CRLS1: variants seen among roughly 807,000 people sequenced by gnomAD.
CRLS1 encodes the protein cardiolipin synthase 1.
In CRLS1, 24 loss-of-function variants were observed where a neutral mutation model predicts 37.0. The ratio of observed to expected loss-of-function variants is 0.65; its 90% CI spans 0.47 to 0.91. CRLS1 has a LOEUF of 0.91. Ranked by LOEUF, CRLS1 falls within the 40% of genes least tolerant of loss-of-function variation. CRLS1 has a pLI of 0.00. For missense variants in CRLS1, 373 were observed against 395.8 expected (o/e 0.94, Z 0.49); for synonymous variants, 135 against 159.7 (o/e 0.85, Z 1.17).
At chr20:6,030,231 C>A (rs1260663277) in intron 3 of CRLS1, among the ~76,000 whole-genome samples, 1 of 151,836 alleles carries the variant, frequency 6.6e-6, no homozygotes, top group African/African-American at 2.4e-5. Flanking sequence ...GAAGCAAGTT[C>A]TCTGCCATCT....
intron 3 of CRLS1, among the ~76,000 whole-genome samples, chr20:6,027,669 C>A (rs1979827089): frequency 6.6e-6 from 1 of 152,202 alleles, no homozygotes; most frequent in Admixed American, 6.5e-5. Context: ...CCTGCCTCAG[C>A]CTCCCAAAGT....
At chr20:6,007,157 G>A in intron 1 of CRLS1, 2 of 1,182,078 alleles carry the variant, frequency 1.7e-6, no homozygotes, top group Non-Finnish European at 2.3e-6. Flanking sequence ...CCGAGCATGA[G>A]TGTGGGAGAG....
rs564544508 is a variant in CRLS1 at position 6,019,936 on chromosome 20, C to T, written c.574+4446C>T. Among the ~76,000 whole-genome samples, 9 of 152,112 alleles carry T rather than the reference C, an allele frequency of 5.9e-5. No homozygotes were observed. The South Asian group carries it at 1.5e-3, about 25-fold the overall frequency. ...GTGATCCTGACCTTAGGTGCCTCTA[C>T]CTCTCAAAGTGCTGGGATTACAGGT... On this transcript the variant is annotated intron_variant, in intron 3 of 6. Coordinates refer to ENST00000378863, the MANE Select transcript of CRLS1 (RefSeq NM_019095.6).
rs543482671 is a variant in CRLS1 at position 6,009,356 on chromosome 20, T to G, written c.307-419T>G. ...AAAAAAAAAAAGAGAAAAGGAAACC[T>G]ATAATATGTAAGACACCTTACCCTG... On this transcript the variant is annotated intron_variant, in intron 1 of 6. Transcript: ENST00000378863. 4.6e-5 allele frequency among the ~76,000 whole-genome samples: 7 copies of G among 151,928 alleles called. No individual in the cohort carries two copies. In the South Asian group the frequency reaches 1.5e-3, roughly 32 times the overall value.
chr20:6,006,453 T>C lies in CRLS1; in HGVS notation c.207T>C (p.Cys69=), dbSNP rs1211977532. The C allele has an allele frequency of 1.4e-6, 2 of 1,405,890 alleles. No individual in the cohort carries two copies. The highest frequency in any genetic ancestry group is 2.8e-5 in the Admixed American group (1 of 35,520). 87.1% of individuals were successfully genotyped at this position (1,405,890 alleles called of 1,614,324 possible). The part of the protein sequence containing the change: ...RLPGIGQRNH[C]SGAGKAAPRP... ...CCGGGATCGGCCAGCGGAACCACTG[T>C]TCGGGCGCGGGGAAGGCGGCTCCCA... is the stretch of plus-strand genomic sequence containing the variant. The change falls in exon 1 of 7, where the codon TGT becomes TGC. Residue 69 remains cysteine (C), a synonymous_variant. Transcript: ENST00000378863.
chr20:6,009,322 CAAAA>C (rs60724010), intron 1 of CRLS1, among the ~76,000 whole-genome samples: 10 of 137,940 alleles, frequency 7.2e-5, no homozygotes, highest in Non-Finnish European at 1.4e-4. Context: ...GACTCCATCT[CAAAA>C]AAAAAAAAAA....
chr20:6,010,161 T>A (rs1362297252), intron 2 of CRLS1, among the ~76,000 whole-genome samples: 2 of 151,896 alleles, frequency 1.3e-5, no homozygotes, highest in Non-Finnish European at 2.9e-5. Context: ...GTACTCTTGG[T>A]TTTTAAGAGT....
At chr20:6,025,547 G>A (rs1194499191) in intron 3 of CRLS1, among the ~76,000 whole-genome samples, 1 of 152,162 alleles carries the variant, frequency 6.6e-6, no homozygotes, top group African/African-American at 2.4e-5. Context: ...TTCAGTCCTT[G>A]TCATTTTGAC....
chr20:6,006,160 G>C lies in CRLS1; in HGVS notation c.-87G>C, dbSNP rs528808592. On this transcript the variant is annotated 5_prime_UTR_variant, in exon 1 of 7. Transcript: ENST00000378863. ...GCGGTAGCCCAGTGTCTGAGTGGTTGCCGGGTCTCCATGGAGAAGCGGCTC... is the reference window on the plus strand; with the variant it reads ...GCGGTAGCCCAGTGTCTGAGTGGTTCCCGGGTCTCCATGGAGAAGCGGCTC... 2 of 700,138 alleles carry C rather than the reference G, an allele frequency of 2.9e-6. No homozygotes were observed. The highest frequency in any genetic ancestry group is 1.9e-5 in the African/African-American group (1 of 53,770). The allele number at this position is 700,138 out of a possible 1,614,324, so 43.4% of individuals were successfully genotyped here. A position where few individuals can be genotyped will look rare whatever the true frequency, so the allele number is the denominator to read the frequency against.
At chr20:6,020,127 G>T (rs1390289522) in intron 3 of CRLS1, among the ~76,000 whole-genome samples, 1 of 152,162 alleles carries the variant, frequency 6.6e-6, no homozygotes, top group African/African-American at 2.4e-5. Context: ...ATTTTAACAT[G>T]TAATCAATAA....
At chr20:6,036,874 C>T (rs367770935) in intron 6 of CRLS1, among the ~76,000 whole-genome samples, 200 bp from the exon 7 acceptor site, 21 of 152,180 alleles carry the variant, frequency 1.4e-4, no homozygotes, top group South Asian at 6.2e-4. Flanking sequence ...TTTTGTTTGA[C>T]GTTACTAATT....
chr20:6,009,248 G>A (rs764485994), intron 1 of CRLS1, among the ~76,000 whole-genome samples: 3 of 151,834 alleles, frequency 2.0e-5, no homozygotes, highest in Non-Finnish European at 4.4e-5. Context: ...ACTTGAACCC[G>A]GGAGGTGGAG....
At chr20:6,010,853 C>T (rs1198010776) in intron 2 of CRLS1, among the ~76,000 whole-genome samples, 1 of 152,040 alleles carries the variant, frequency 6.6e-6, no homozygotes, top group East Asian at 1.9e-4. Context: ...CCTATCTCTA[C>T]AAAAAATTTA....
intron 6 of CRLS1, 107 bp from the exon 7 acceptor site, chr20:6,036,967 A>T: frequency 1.3e-6 from 1 of 775,392 alleles, no homozygotes; most frequent in African/African-American, 1.7e-5. Context: ...TTTACTTTTT[A>T]AATTCATTTT....
chr20:6,034,935 G>C (rs1980438616), intron 6 of CRLS1, among the ~76,000 whole-genome samples: 2 of 152,190 alleles, frequency 1.3e-5, no homozygotes, highest in Non-Finnish European at 2.9e-5. Flanking sequence ...TAGAGTGTAG[G>C]AGAGAGGGTA....
chr20:6,037,805 A>T lies in CRLS1; in HGVS notation c.*647A>T, dbSNP rs1386693275. ...CTAATAATTTATGTTTGAGGATAAC[A>T]GGTAACAAAGATAGTCGAGATAGGA... On this transcript the variant is annotated 3_prime_UTR_variant, in exon 7 of 7. Coordinates refer to ENST00000378863, the MANE Select transcript of CRLS1 (RefSeq NM_019095.6). 6.6e-6 allele frequency: 1 copy of T among 152,228 alleles called. No homozygotes were observed. The highest frequency in any genetic ancestry group is 1.5e-5 in the Non-Finnish European group (1 of 68,040). 9.4% of individuals were successfully genotyped at this position (152,228 alleles called of 1,614,324 possible).
intron 6 of CRLS1, among the ~76,000 whole-genome samples, chr20:6,035,346 C>T (rs893127153): frequency 4.6e-5 from 7 of 151,962 alleles, no homozygotes; most frequent in African/African-American, 7.3e-5. Context: ...TTTTCTTTCT[C>T]GGATAAACTA....
chr20:6,032,680 C>T (rs372996168), intron 5 of CRLS1, among the ~76,000 whole-genome samples: 3 of 152,288 alleles, frequency 2.0e-5, no homozygotes, highest in South Asian at 4.1e-4. Context: ...TCTTAGTTGT[C>T]CATTCTGTTT....
chr20:6,015,276 T>A (rs1215548895), intron 2 of CRLS1, 85 bp from the exon 3 acceptor site: 1 of 784,818 alleles, frequency 1.3e-6, no homozygotes, highest in African/African-American at 1.8e-5. Flanking sequence ...GTATAATTGT[T>A]ATTCTGGTAT....
Sources: gnomAD v4.1 joint callset for allele counts (sites outside exome capture counted in the v4.1 genomes callset) on GRCh38, gnomAD v4.1.1 for gene constraint, MANE v1.5 for transcripts, NCBI Gene and HGNC (gene_info 2026-07-23, HGNC 2026-07-21) for gene names.